The following POF1B variants were observed in gnomAD, a reference collection of about 807,000 sequenced individuals.
POF1B encodes protein POF1B.
A neutral mutation model predicts 55.3 loss-of-function variants in POF1B; 53 were observed. The observed-to-expected ratio is 0.96, with a 90% CI of 0.77 to 1.20. The LOEUF is 1.20. Ranked by LOEUF, POF1B falls within the 50% of genes most tolerant of loss-of-function variation. POF1B has a pLI of 0.00. For missense variants in POF1B, 478 were observed against 420.5 expected (o/e 1.14, Z -1.20); for synonymous variants, 188 against 148.3 (o/e 1.27, Z -1.95).
At chrX:85,316,036 C>T (rs1297774758) in intron 7 of POF1B, among the ~76,000 whole-genome samples, 1 of 111,077 alleles carries the variant, frequency 9.0e-6, no homozygotes, top group Admixed American at 9.6e-5. Context: ...ATTAGAAGTC[C>T]TCAGTGCTTG....
At chrX:85,344,785 A>G (rs938251386) in intron 6 of POF1B, among the ~76,000 whole-genome samples, 1 of 111,185 alleles carries the variant, frequency 9.0e-6, no homozygotes, top group Non-Finnish European at 1.9e-5. Flanking sequence ...AAATTAGAAA[A>G]TTTAAAAAAA....
Position 85,308,162 on chromosome X carries a change from T to C in POF1B, c.1012A>G (p.Ile338Val). Residue 338 changes from isoleucine to valine, a missense_variant, in exon 10 of 17, where the codon ATA becomes GTA. Physicochemically the swap from Ile to Val is conservative, Grantham distance 29. Transcript: ENST00000262753. ...TGAAGATGTCCAAGCTCCTCCCGTA[T>C]GTTGCTAAATGTGGACAGCACTAGT... is the stretch of plus-strand genomic sequence containing the variant. ...LRLVLSTFSNIREELGHLQND... is the reference protein window; with the variant it reads ...LRLVLSTFSNVREELGHLQND... 1 of 1,194,361 alleles carries C rather than the reference T, an allele frequency of 8.4e-7. No individual in the cohort carries two copies. Among genetic ancestry groups the C allele is most frequent in the Non-Finnish European group, 1.1e-6 (1 of 884,533 alleles).
intron 12 of POF1B, 37 bp from the exon 13 acceptor site, chrX:85,305,947 T>A (rs991437764): frequency 8.5e-7 from 1 of 1,181,967 alleles, no homozygotes; most frequent in African/African-American, 1.8e-5. Context: ...AATTGGATTG[T>A]TTTGAAGAAA....
intron 3 of POF1B, among the ~76,000 whole-genome samples, chrX:85,363,628 A>C (rs1933665769): frequency 8.9e-6 from 1 of 111,764 alleles, no homozygotes; most frequent in Non-Finnish European, 1.9e-5. Flanking sequence ...GTATGATTTC[A>C]GTTCTCTTGC....
In POF1B at chrX:85,319,937, A is replaced by G. The variant is rs200430881; in HGVS notation, c.855-4203T>C. Among the ~76,000 whole-genome samples the G allele has an allele frequency of 8.1e-5, 9 of 111,478 alleles. No homozygotes were observed. In the East Asian group the frequency reaches 2.6e-3, roughly 32 times the overall value. On this transcript the variant is annotated intron_variant, in intron 7 of 16. Transcript: ENST00000262753. Reference sequence around the variant, plus strand: ...CTTATTTTTTCAGAAGAGTTTCAGCAGAAATGATACCAACTCTTCCTTATA... The same window carrying G: ...CTTATTTTTTCAGAAGAGTTTCAGCGGAAATGATACCAACTCTTCCTTATA...
chrX:85,280,476 A>C (rs1407836533), intron 16 of POF1B, among the ~76,000 whole-genome samples: 2 of 111,158 alleles, frequency 1.8e-5, no homozygotes, highest in Non-Finnish European at 3.8e-5. Flanking sequence ...CCGAACATGC[A>C]TATGTAACCA....
At chrX:85,320,534 A>G (rs11092615) in intron 7 of POF1B, among the ~76,000 whole-genome samples, 23,834 of 110,477 alleles carry the variant, frequency 0.22, 2,481 homozygotes, top group African/African-American at 0.4. Flanking sequence ...TAAAAGAACT[A>G]AAAAAGCAAG....
rs1933977256 is a variant in POF1B, at chrX:85,379,460, T to G, written c.-6A>C. ...CTCCAATAGCTCGAGCTCATCTTCT[T>G]CCAGTGGTCAGCAAGGGACCTCCCA... On this transcript the variant is annotated 5_prime_UTR_variant, in exon 2 of 17. Coordinates refer to ENST00000262753, the MANE Select transcript of POF1B (RefSeq NM_024921.4). 8.3e-7 allele frequency: 1 copy of G among 1,206,876 alleles called. No individual in the cohort carries two copies. The highest frequency in any genetic ancestry group is 3.0e-5 in the East Asian group (1 of 33,724).
chrX:85,304,429 C>T lies in POF1B; in HGVS notation c.1480G>A (p.Gly494Arg). 8.4e-7 allele frequency: 1 copy of T among 1,187,034 alleles called. No individual in the cohort carries two copies. Among genetic ancestry groups the T allele is most frequent in the Non-Finnish European group, 1.1e-6 (1 of 880,455 alleles). ...QYHKDVSKRE[G>R]SCSDFQFKLH... ...TTAAATTGGAAGTCACTACAACTTC[C>T]TTCTCTCTTTGAAACATCTTTATGG... Residue 494 changes from glycine (G) to arginine (R), a missense_variant, in exon 14 of 17, where the codon GGA (glycine) becomes AGA (arginine). Coordinates refer to ENST00000262753, the MANE Select transcript of POF1B (RefSeq NM_024921.4).
At chrX:85,347,272 G>T (rs1254267244) in intron 5 of POF1B, among the ~76,000 whole-genome samples, 2 of 111,004 alleles carry the variant, frequency 1.8e-5, no homozygotes, top group Non-Finnish European at 3.8e-5. Context: ...AAAATGCAAT[G>T]CACTATATCC....
At chrX:85,354,471 A>AT (rs925744266) in intron 4 of POF1B, among the ~76,000 whole-genome samples, 1 of 110,003 alleles carries the variant, frequency 9.1e-6, no homozygotes, top group Non-Finnish European at 1.9e-5. Context: ...AAAGCATGAA[A>AT]TTTTTTTTCT....
chrX:85,374,490 A>G (rs1933888086), intron 2 of POF1B, among the ~76,000 whole-genome samples: 1 of 112,271 alleles, frequency 8.9e-6, no homozygotes, highest in African/African-American at 3.2e-5. Context: ...AAATATTTGG[A>G]AACTTGCTAA....
intron 6 of POF1B, among the ~76,000 whole-genome samples, chrX:85,344,016 C>A (rs1246812128): frequency 9.0e-6 from 1 of 111,276 alleles, no homozygotes; most frequent in Non-Finnish European, 1.9e-5. Context: ...CTAATCTGAT[C>A]ATTGTAAGAA....
intron 3 of POF1B, among the ~76,000 whole-genome samples, chrX:85,365,385 G>A (rs1933702051): frequency 9.0e-6 from 1 of 111,549 alleles, no homozygotes; most frequent in Non-Finnish European, 1.9e-5. Flanking sequence ...TCTGTGTGTG[G>A]GTGTTCCTTT....
At chrX:85,358,068 C>G (rs1416117080) in intron 4 of POF1B, among the ~76,000 whole-genome samples, 1 of 111,176 alleles carries the variant, frequency 9.0e-6, no homozygotes, top group African/African-American at 3.3e-5. Flanking sequence ...GTTAAAGCTA[C>G]CATCTAAAAT....
At chrX:85,307,385 G>T in intron 10 of POF1B, 109 bp from the exon 11 acceptor site, 2 of 452,465 alleles carry the variant, frequency 4.4e-6, no homozygotes, top group Non-Finnish European at 7.3e-6. Flanking sequence ...TGTTTCATTT[G>T]TACTTGCTTA....
chrX:85,334,179 CT>C (rs1185060868), intron 6 of POF1B, among the ~76,000 whole-genome samples: 2 of 110,509 alleles, frequency 1.8e-5, no homozygotes, highest in Non-Finnish European at 3.8e-5. Flanking sequence ...TTTTTGTTGC[CT>C]TGAGAAAGCC....
intron 7 of POF1B, among the ~76,000 whole-genome samples, chrX:85,318,967 C>A (rs1178567000): frequency 9.0e-6 from 1 of 111,638 alleles, no homozygotes; most frequent in Non-Finnish European, 1.9e-5. Context: ...GCAGTATTGC[C>A]ATTTTGATAA....
intron 8 of POF1B, 66 bp downstream of exon 8, chrX:85,315,641 A>T: frequency 3.2e-6 from 3 of 951,643 alleles, no homozygotes; most frequent in Non-Finnish European, 4.2e-6. Flanking sequence ...GAATATTATT[A>T]TTGCAAATAT....
Sources: allele counts gnomAD v4.1 joint callset (sites outside exome capture counted in the v4.1 genomes callset), GRCh38; gene constraint gnomAD v4.1.1; transcripts MANE v1.5; gene names NCBI Gene and HGNC (gene_info 2026-07-23, HGNC 2026-07-21).